Variants in TNPO1 observed in about 807,000 individuals in gnomAD.
TNPO1 encodes the protein transportin 1.
TNPO1 carries 8 observed loss-of-function variants against 119.5 expected under a neutral mutation model. The ratio of observed to expected loss-of-function variants is 0.07; its 90% CI spans 0.04 to 0.12. The LOEUF is 0.12. Among genes scored for constraint, TNPO1 ranks in the 10% least tolerant of loss-of-function variants. The pLI is 1.00. For missense variants in TNPO1, 576 were observed against 1,089.8 expected (o/e 0.53, Z 6.64); for synonymous variants, 362 against 363.0 (o/e 1.00, Z 0.03).
At chr5:72,890,091 T>A in intron 14 of TNPO1, 134 bp downstream of exon 14, 2 of 969,426 alleles carry the variant, frequency 2.1e-6, no homozygotes, top group East Asian at 5.4e-5. Context: ...AGAGTATAGA[T>A]CTTACAAAGG....
At chr5:72,863,803 A>G (rs1427429765) in intron 5 of TNPO1, among the ~76,000 whole-genome samples, 4 of 152,152 alleles carry the variant, frequency 2.6e-5, no homozygotes, top group Admixed American at 2.6e-4. Context: ...GAAAAGCTAA[A>G]TAATAAGTCA....
At position 72,865,801 on chromosome 5, in the gene TNPO1, A is replaced by G. The variant is rs1746841973; in HGVS notation, c.596+72A>G. On this transcript the variant is annotated intron_variant, in intron 6 of 24. Transcript: ENST00000337273. ...ACCATTATCTTAGTTTTCATTACCT[A>G]ATATTTTTGACATTAGCAAAAGATC... The G allele has an allele frequency of 4.8e-6, 7 of 1,452,138 alleles. No homozygotes were observed. The African/African-American group carries it at 7.2e-5, about 15-fold the overall frequency. 90.0% of individuals were successfully genotyped at this position (1,452,138 alleles called of 1,614,324 possible). A position where few individuals can be genotyped will look rare whatever the true frequency, so the allele number is the denominator to read the frequency against.
At chr5:72,823,517 C>T (rs1744076194) in intron 1 of TNPO1, among the ~76,000 whole-genome samples, 1 of 152,126 alleles carries the variant, frequency 6.6e-6, no homozygotes, top group Non-Finnish European at 1.5e-5. Context: ...ATTTTTGCAG[C>T]TCACTCCTAG....
chr5:72,914,261 A>G lies in TNPO1; in HGVS notation c.*5588A>G, dbSNP rs2112539053. 6.5e-6 allele frequency: 1 copy of G among 152,730 alleles called. No individual in the cohort carries two copies. Among genetic ancestry groups the G allele is most frequent in the Non-Finnish European group, 1.5e-5 (1 of 68,002 alleles). 9.5% of individuals were successfully genotyped at this position (152,730 alleles called of 1,614,324 possible). A position where few individuals can be genotyped will look rare whatever the true frequency, so the allele number is the denominator to read the frequency against. On this transcript the variant is annotated 3_prime_UTR_variant, in exon 25 of 25. Coordinates refer to ENST00000337273, the MANE Select transcript of TNPO1 (RefSeq NM_002270.4). ...AAAGAGAGTTTTTTGGGGCCACCAA[A>G]TATTTTGGATCATGCAGAGAATATA...
chr5:72,901,062 G>A lies in TNPO1; in HGVS notation c.2503G>A (p.Gly835Ser). 1 of 1,598,112 alleles carries A rather than the reference G, an allele frequency of 6.3e-7. No individual in the cohort carries two copies. The highest frequency in any genetic ancestry group is 8.5e-7 in the Non-Finnish European group (1 of 1,172,372). The change falls in exon 22 of 25, where the codon GGC becomes AGC. Residue 835 changes from glycine (G) to serine (S), a missense_variant. Coordinates refer to ENST00000337273, the MANE Select transcript of TNPO1 (RefSeq NM_002270.4). Reference sequence around the variant, plus strand: ...TACCATGATCAGTGTGAATCCCAGTGGCGTAATCCAAGTAAGATGTTCACA... The same window carrying A: ...TACCATGATCAGTGTGAATCCCAGTAGCGTAATCCAAGTAAGATGTTCACA... ...ICTMISVNPS[G>S]VIQDFIFFCD...
At chr5:72,831,112 T>C (rs1310144583) in intron 1 of TNPO1, among the ~76,000 whole-genome samples, 2 of 152,114 alleles carry the variant, frequency 1.3e-5, no homozygotes, top group African/African-American at 4.8e-5. Flanking sequence ...TTTATTTATT[T>C]TTGCAGTAGA....
intron 6 of TNPO1, among the ~76,000 whole-genome samples, chr5:72,868,229 G>C (rs553929033): frequency 6.6e-6 from 1 of 151,644 alleles, no homozygotes; most frequent in Non-Finnish European, 1.5e-5. Context: ...TCAGGAGATC[G>C]AGACCATCCT....
chr5:72,875,989 G>C (rs1747734075), intron 8 of TNPO1, among the ~76,000 whole-genome samples: 1 of 152,156 alleles, frequency 6.6e-6, no homozygotes, highest in African/African-American at 2.4e-5. Context: ...GTGGAGAGAA[G>C]AGAGGATCTT....
intron 3 of TNPO1, among the ~76,000 whole-genome samples, chr5:72,851,595 C>T (rs1048914898): frequency 1.3e-5 from 2 of 152,164 alleles, no homozygotes; most frequent in African/African-American, 4.8e-5. Context: ...CGGGTTCAAG[C>T]AATGCTCATG....
At chr5:72,887,047 T>A (rs1292374955) in intron 11 of TNPO1, 23 bp from the exon 12 acceptor site, 1 of 1,593,136 alleles carries the variant, frequency 6.3e-7, no homozygotes, top group East Asian at 2.2e-5. Flanking sequence ...AATGTAATAT[T>A]TTTGAATTAA....
intron 4 of TNPO1, among the ~76,000 whole-genome samples, chr5:72,858,295 G>T (rs1033850302): frequency 5.3e-5 from 8 of 152,190 alleles, no homozygotes; most frequent in African/African-American, 1.9e-4. Flanking sequence ...GATACATTTA[G>T]TTCATTATAT....
At chr5:72,870,034 T>C (rs1353835628) in intron 6 of TNPO1, among the ~76,000 whole-genome samples, 1 of 152,136 alleles carries the variant, frequency 6.6e-6, no homozygotes, top group Non-Finnish European at 1.5e-5. Context: ...GGAATGCCTT[T>C]TCTCTTCCTT....
At chr5:72,860,527 A>G (rs1746359145) in intron 4 of TNPO1, among the ~76,000 whole-genome samples, 1 of 152,226 alleles carries the variant, frequency 6.6e-6, no homozygotes, top group Non-Finnish European at 1.5e-5. Context: ...TCACAACTCT[A>G]CTGCATAACA....
chr5:72,847,596 T>G (rs1745189954), intron 1 of TNPO1, among the ~76,000 whole-genome samples: 1 of 152,254 alleles, frequency 6.6e-6, no homozygotes, highest in Non-Finnish European at 1.5e-5. Flanking sequence ...TAAAATTACA[T>G]CATTTTTATT....
chr5:72,816,864 C>T (rs1362438383), intron 1 of TNPO1, 112 bp downstream of exon 1: 2 of 1,335,444 alleles, frequency 1.5e-6, no homozygotes, highest in Non-Finnish European at 2.0e-6. Context: ...CCCGCTCTCT[C>T]GGCGCCTGCC....
intron 22 of TNPO1, 26 bp from the exon 23 acceptor site, chr5:72,903,683 T>A: frequency 6.6e-7 from 1 of 1,518,586 alleles, no homozygotes; most frequent in Non-Finnish European, 9.1e-7. Flanking sequence ...AATATCAACC[T>A]AAGATGTATT....
chr5:72,878,664 C>G (rs1245123336), intron 9 of TNPO1: 8 of 198,706 alleles, frequency 4.0e-5, no homozygotes, highest in Non-Finnish European at 6.2e-5. Flanking sequence ...AATACACTGA[C>G]TGGATTTTTT....
chr5:72,871,080 C>T (rs1747363093), intron 6 of TNPO1, among the ~76,000 whole-genome samples: 1 of 152,076 alleles, frequency 6.6e-6, no homozygotes. Context: ...AGCGATTCTC[C>T]TGCCTCCTGC....
At chr5:72,851,438 G>A (rs1049467835) in intron 3 of TNPO1, 119 bp downstream of exon 3, 2 of 651,198 alleles carry the variant, frequency 3.1e-6, no homozygotes, top group African/African-American at 1.9e-5. Context: ...TATAGATGTG[G>A]GATAAACAGT....
Sources: gnomAD v4.1 joint callset for allele counts (sites outside exome capture counted in the v4.1 genomes callset) on GRCh38, gnomAD v4.1.1 for gene constraint, MANE v1.5 for transcripts, NCBI Gene and HGNC (gene_info 2026-07-23, HGNC 2026-07-21) for gene names.